The following EPB41L4B variants were observed in gnomAD, a reference collection of about 807,000 sequenced individuals.
The protein encoded by EPB41L4B is band 4.1-like protein 4B.
A neutral mutation model predicts 112.5 loss-of-function variants in EPB41L4B; 30 were observed. The ratio of observed to expected loss-of-function variants is 0.27; its 90% CI spans 0.20 to 0.36. EPB41L4B has a LOEUF of 0.36. Among genes scored for constraint, EPB41L4B ranks in the 10% least tolerant of loss-of-function variants. EPB41L4B has a pLI of 1.00. For synonymous variants in EPB41L4B, 408 were observed against 439.7 expected, an observed-to-expected ratio of 0.93 and a Z score of 0.90; for missense variants, 1,024 against 1,133.3, an observed-to-expected ratio of 0.90 and a Z score of 1.38.
chr9:109,226,573 C>A (rs560640956), intron 15 of EPB41L4B, among the ~76,000 whole-genome samples: 2 of 145,942 alleles, frequency 1.4e-5, no homozygotes, highest in South Asian at 4.3e-4. Context: ...TTGCCCATGA[C>A]TTATATACAA....
chr9:109,258,334 T>C (rs1835060481), intron 6 of EPB41L4B, 37 bp from the exon 7 acceptor site: 7 of 1,599,712 alleles, frequency 4.4e-6, no homozygotes, highest in Admixed American at 1.7e-5. Flanking sequence ...ATAGGAGACA[T>C]TGAATGATTT....
At position 109,320,430 on chromosome 9, in the gene EPB41L4B, C is replaced by T; in HGVS notation, c.17G>A (p.Arg6His). 1.0e-6 allele frequency: 1 copy of T among 991,314 alleles called. No homozygotes were observed. Among genetic ancestry groups the T allele is most frequent in the Non-Finnish European group, 1.2e-6 (1 of 835,610 alleles). The allele number at this position is 991,314 out of a possible 1,614,324, so 61.4% of individuals were successfully genotyped here. A position where few individuals can be genotyped will look rare whatever the true frequency, so the allele number is the denominator to read the frequency against. Reference protein sequence around the residue: MLRFLRRTFGRRSMQR... With the variant: MLRFLHRTFGRRSMQR... ...CATGGAGCGGCGGCCAAAGGTCCGG[C>T]GCAGGAACCGCAGCATCCTGGCTGG... The change falls in exon 1 of 26, where the codon CGC (arginine) becomes CAC (histidine). Residue 6 changes from arginine (R) to histidine (H), a missense_variant. Arg to His is a conservative substitution (Grantham distance 29). Coordinates refer to ENST00000374566, the MANE Select transcript of EPB41L4B (RefSeq NM_019114.5).
chr9:109,252,870 G>A (rs556191150), intron 12 of EPB41L4B, among the ~76,000 whole-genome samples: 40 of 152,108 alleles, frequency 2.6e-4, no homozygotes, highest in African/African-American at 8.7e-4. Flanking sequence ...ACTGTGTTCC[G>A]GGCCTCATAC....
intron 2 of EPB41L4B, among the ~76,000 whole-genome samples, chr9:109,275,774 G>A (rs1162203137): frequency 6.6e-6 from 1 of 152,164 alleles, no homozygotes; most frequent in African/African-American, 2.4e-5. Context: ...GTACTAGAAA[G>A]AGCACATAGA....
At chr9:109,257,122 C>T (rs1340822955) in intron 7 of EPB41L4B, among the ~76,000 whole-genome samples, 2 of 152,138 alleles carry the variant, frequency 1.3e-5, no homozygotes, top group South Asian at 2.1e-4. Context: ...GTGCCATACC[C>T]GCAGACATTT....
chr9:109,187,728 G>A (rs540485114), intron 22 of EPB41L4B, among the ~76,000 whole-genome samples: 1 of 152,154 alleles, frequency 6.6e-6, no homozygotes, highest in Non-Finnish European at 1.5e-5. Flanking sequence ...ATAAAAGCTG[G>A]CACAAATGAC....
intron 20 of EPB41L4B, 60 bp downstream of exon 20, chr9:109,200,176 T>C: frequency 7.1e-7 from 1 of 1,402,762 alleles, no homozygotes. Context: ...GAAGCATTTG[T>C]ATCTAAACAA....
At chr9:109,267,259 G>A (rs947869544) in intron 4 of EPB41L4B, among the ~76,000 whole-genome samples, 8 of 152,186 alleles carry the variant, frequency 5.3e-5, no homozygotes, top group African/African-American at 1.9e-4. Flanking sequence ...ACAAGAAAAT[G>A]TATCTTCTAA....
intron 2 of EPB41L4B, among the ~76,000 whole-genome samples, chr9:109,275,140 T>A (rs1187171203): frequency 6.6e-6 from 1 of 152,226 alleles, no homozygotes; most frequent in Admixed American, 6.5e-5. Flanking sequence ...GTGATATCAA[T>A]ACGCTTTGAC....
intron 15 of EPB41L4B, among the ~76,000 whole-genome samples, chr9:109,230,848 ATCTT>A (rs1439077656): frequency 1.3e-5 from 2 of 152,184 alleles, no homozygotes; most frequent in African/African-American, 4.8e-5. Context: ...ACTCTACTTC[ATCTT>A]TCTTTTCAGA....
At chr9:109,218,124 T>TAA (rs1554748280) in intron 15 of EPB41L4B, among the ~76,000 whole-genome samples, 5 of 94,962 alleles carry the variant, frequency 5.3e-5, no homozygotes, top group Admixed American at 1.2e-4. Context: ...ATACTAATAA[T>TAA]TCTTTTTTTT....
At chr9:109,206,850 G>A (rs1043532188) in intron 18 of EPB41L4B, among the ~76,000 whole-genome samples, 1 of 152,206 alleles carries the variant, frequency 6.6e-6, no homozygotes, top group African/African-American at 2.4e-5. Context: ...CTGTCCACAT[G>A]GGGCGCTCCT....
At position 109,201,490 on chromosome 9, in the gene EPB41L4B, C is replaced by T. The variant is rs181914619; in HGVS notation, c.1947-1156G>A. 4.9e-3 allele frequency among the ~76,000 whole-genome samples: 667 copies of T among 137,400 alleles called. 8 individuals carry two copies. Among genetic ancestry groups the T allele is most frequent in the South Asian group, 0.025 (107 of 4,302 alleles). 90.1% of individuals were successfully genotyped at this position (137,400 alleles called of 152,430 possible). A position where few individuals can be genotyped will look rare whatever the true frequency, so the allele number is the denominator to read the frequency against. On this transcript the variant is annotated intron_variant, in intron 19 of 25. Transcript: ENST00000374566. ...AGAAAAAAAAAGTATGTTGAATAAA[C>T]ACATGAATGAGAAAATAGAGGATTT...
chr9:109,285,194 A>C (rs931783476), intron 1 of EPB41L4B, among the ~76,000 whole-genome samples: 1 of 152,230 alleles, frequency 6.6e-6, no homozygotes, highest in African/African-American at 2.4e-5. Context: ...ATCCCATCAC[A>C]CAGAGTATTA....
intron 1 of EPB41L4B, among the ~76,000 whole-genome samples, chr9:109,293,244 C>T (rs1437527331): frequency 2.0e-5 from 3 of 152,078 alleles, no homozygotes; most frequent in African/African-American, 7.2e-5. Flanking sequence ...GTATTGTATG[C>T]GTACATAAAA....
chr9:109,310,726 C>G (rs1025836712), intron 1 of EPB41L4B, among the ~76,000 whole-genome samples: 1 of 152,216 alleles, frequency 6.6e-6, no homozygotes, highest in African/African-American at 2.4e-5. Context: ...ATCCAAGTCT[C>G]TGGTGGCAGT....
At chr9:109,310,894 G>A (rs1179612431) in intron 1 of EPB41L4B, among the ~76,000 whole-genome samples, 2 of 152,226 alleles carry the variant, frequency 1.3e-5, no homozygotes, top group Non-Finnish European at 2.9e-5. Context: ...CATACAACAT[G>A]GATGAACCTT....
At chr9:109,215,916 A>G (rs1833346901) in intron 16 of EPB41L4B, among the ~76,000 whole-genome samples, 1 of 152,054 alleles carries the variant, frequency 6.6e-6, no homozygotes, top group African/African-American at 2.4e-5. Context: ...CTTAAGCCCA[A>G]GAGTTCAAGA....
Position 109,267,530 on chromosome 9 carries a change from T to G in EPB41L4B, c.476A>C (p.His159Pro). The G allele has an allele frequency of 6.2e-7, 1 of 1,613,184 alleles. No individual in the cohort carries two copies. The highest frequency in any genetic ancestry group is 8.5e-7 in the Non-Finnish European group (1 of 1,179,188). Residue 159 changes from histidine (H) to proline (P), a missense_variant, in exon 4 of 26, where the codon CAC becomes CCC. Coordinates refer to ENST00000374566, the MANE Select transcript of EPB41L4B (RefSeq NM_019114.5). ...TGAAGAATAGTATTTAACTCGAAAGTGTAAAGCATAAGCAGGTCCAACTAA... is the reference window on the plus strand; with the variant it reads ...TGAAGAATAGTATTTAACTCGAAAGGGTAAAGCATAAGCAGGTCCAACTAA... Reference protein sequence around the residue: ...QMKIGPAYALHFRVKYYSSEP... With the variant: ...QMKIGPAYALPFRVKYYSSEP...
Sources: gnomAD v4.1 joint callset for allele counts (sites outside exome capture counted in the v4.1 genomes callset) on GRCh38, gnomAD v4.1.1 for gene constraint, MANE v1.5 for transcripts, NCBI Gene and HGNC (gene_info 2026-07-23, HGNC 2026-07-21) for gene names.